Variants in SETD7 observed in about 807,000 individuals in gnomAD.
SETD7 encodes the protein histone-lysine N-methyltransferase SETD7.
SETD7 carries 16 observed loss-of-function variants against 41.8 expected under a neutral mutation model. The ratio of observed to expected loss-of-function variants is 0.38; its 90% CI spans 0.26 to 0.58. The LOEUF (loss-of-function observed/expected upper bound fraction) is 0.58. Among genes scored for constraint, SETD7 ranks in the 20% least tolerant of loss-of-function variants. The pLI, the probability that SETD7 is intolerant of heterozygous loss-of-function variation, is 0.64. For synonymous variants in SETD7, 163 were observed against 169.7 expected (o/e 0.96, Z 0.31); for missense variants, 346 against 459.7 (o/e 0.75, Z 2.26).
At chr4:139,539,863 T>A (rs1024555734) in intron 2 of SETD7, among the ~76,000 whole-genome samples, 3 of 152,176 alleles carry the variant, frequency 2.0e-5, no homozygotes, top group Non-Finnish European at 4.4e-5. Flanking sequence ...TGTGAGGATA[T>A]CAGGAGAAGA....
Position 139,507,665 on chromosome 4 carries a change from T to C in SETD7, c.*3998A>G, listed in dbSNP as rs891342822. 7.2e-5 allele frequency: 11 copies of C among 152,650 alleles called. No individual in the cohort carries two copies. The highest frequency in any genetic ancestry group is 1.5e-4 in the Non-Finnish European group (10 of 68,042). 9.5% of individuals were successfully genotyped at this position (152,650 alleles called of 1,614,324 possible). A position where few individuals can be genotyped will look rare whatever the true frequency, so the allele number is the denominator to read the frequency against. The stretch of plus-strand genomic sequence containing the variant: ...TATGGCTTGAAATAGTTTCATTGCT[T>C]TGAATATGTACGCACACATTTGGCA... On this transcript the variant is annotated 3_prime_UTR_variant, in exon 8 of 8. Transcript: ENST00000274031.
chr4:139,529,835 C>T (rs1323572274), intron 3 of SETD7, among the ~76,000 whole-genome samples: 2 of 152,206 alleles, frequency 1.3e-5, no homozygotes, highest in African/African-American at 2.4e-5. Context: ...CCTATACCAT[C>T]ACCTTTTTTA....
At chr4:139,513,283 G>C (rs1179739760) in intron 7 of SETD7, among the ~76,000 whole-genome samples, 1 of 151,938 alleles carries the variant, frequency 6.6e-6, no homozygotes, top group Non-Finnish European at 1.5e-5. Flanking sequence ...AGCTGGGTGT[G>C]GTGGCGCACA....
intron 7 of SETD7, among the ~76,000 whole-genome samples, chr4:139,500,245 C>T (rs548648895): frequency 6.6e-5 from 10 of 152,202 alleles, no homozygotes; most frequent in African/African-American, 9.6e-5. Flanking sequence ...CTATGATGCA[C>T]GCCAGTTCAA....
Position 139,546,953 on chromosome 4 carries a change from T to C in SETD7, c.137A>G (p.Asn46Ser). Residue 46 changes from asparagine (N) to serine (S), a missense_variant, in exon 2 of 8, where the codon AAC becomes AGC. Asn to Ser is a conservative substitution (Grantham distance 46). Transcript: ENST00000274031. ...AAAGAAGAAGAACTTCCCCCGTCCGTTCTTTTCTCCGTGAACAAAGTTCCC... is the reference window on the plus strand; with the variant it reads ...AAAGAAGAAGAACTTCCCCCGTCCGCTCTTTTCTCCGTGAACAAAGTTCCC... The part of the protein sequence containing the change: ...FEGNFVHGEK[N>S]GRGKFFFFDG... 6.2e-7 allele frequency: 1 copy of C among 1,614,202 alleles called. No individual in the cohort carries two copies. The highest frequency in any genetic ancestry group is 8.5e-7 in the Non-Finnish European group (1 of 1,180,024).
chr4:139,526,046 TTTTG>T (rs140153702), intron 4 of SETD7, among the ~76,000 whole-genome samples: 71,147 of 150,810 alleles, frequency 0.47, 17,922 homozygotes, highest in Admixed American at 0.56. Flanking sequence ...TGTTGTTTGT[TTTTG>T]TTTGTTTGTT....
rs776192735 is a variant in SETD7 at position 139,523,351 on chromosome 4, T to C, written c.644+3A>G. 6.2e-7 allele frequency: 1 copy of C among 1,606,084 alleles called. No individual in the cohort carries two copies. The highest frequency in any genetic ancestry group is 8.5e-7 in the Non-Finnish European group (1 of 1,172,876). On this transcript the variant is annotated splice_donor_region_variant and intron_variant, in intron 5 of 7. Coordinates refer to ENST00000274031, the MANE Select transcript of SETD7 (RefSeq NM_030648.4). ...GCAATTAAAACCCCAAGGAGGAAATTACCTTTCTGATTCATAAGGATCTGG... is the reference window on the plus strand; with the variant it reads ...GCAATTAAAACCCCAAGGAGGAAATCACCTTTCTGATTCATAAGGATCTGG...
intron 4 of SETD7, among the ~76,000 whole-genome samples, chr4:139,523,737 A>T (rs978619438): frequency 4.6e-5 from 7 of 152,220 alleles, no homozygotes; most frequent in Admixed American, 3.9e-4. Flanking sequence ...TTGTCATGAA[A>T]TTCTGAGATC....
downstream of SETD7, among the ~76,000 whole-genome samples, chr4:139,501,789 A>G (rs951655890): frequency 6.6e-6 from 1 of 152,174 alleles, no homozygotes; most frequent in Admixed American, 6.5e-5. Context: ...TCGAGAACAC[A>G]CAATAATGGT....
chr4:139,519,922 T>C (rs966498789), intron 6 of SETD7, among the ~76,000 whole-genome samples: 8 of 152,350 alleles, frequency 5.3e-5, no homozygotes, highest in African/African-American at 1.9e-4. Context: ...TAGTATAGCA[T>C]GGCTTTTGCA....
chr4:139,552,302 C>G (rs1269497447), intron 1 of SETD7, among the ~76,000 whole-genome samples: 1 of 152,170 alleles, frequency 6.6e-6, no homozygotes, highest in Non-Finnish European at 1.5e-5. Context: ...CAGTGGAACA[C>G]TGAGCTGCTT....
At position 139,506,048 on chromosome 4, in the gene SETD7, TTTTG is replaced by T. The variant is rs1333297141; in HGVS notation, c.*5611_*5614del. ...GAAGACAATGACAGATGATTGTATA[TTTTG>T]TTTAATACTTGCATTGTTTCTATAG... is the stretch of plus-strand genomic sequence containing the variant. On this transcript the variant is annotated 3_prime_UTR_variant, in exon 8 of 8. Transcript: ENST00000274031. 1 of 152,686 alleles carries T rather than the reference TTTTG, an allele frequency of 6.5e-6. No individual in the cohort carries two copies. Among genetic ancestry groups the T allele is most frequent in the Non-Finnish European group, 1.5e-5 (1 of 68,042 alleles). The allele number at this position is 152,686 out of a possible 1,614,324, so 9.5% of individuals were successfully genotyped here. A position where few individuals can be genotyped will look rare whatever the true frequency, so the allele number is the denominator to read the frequency against.
At position 139,555,531 on chromosome 4, in the gene SETD7, A is replaced by G. The variant is rs1390799847; in HGVS notation, c.40+567T>C. Among the ~76,000 whole-genome samples the G allele has an allele frequency of 6.6e-6, 1 of 152,028 alleles. No individual in the cohort carries two copies. The highest frequency in any genetic ancestry group is 1.9e-4 in the East Asian group (1 of 5,146). ...TTGTCCGTCGCCCGACAATGATTTC[A>G]TCTTTTCGGAAGAGCTGCCGCCTGG... On this transcript the variant is annotated intron_variant, in intron 1 of 7. Transcript: ENST00000274031. This position sits in a 1 kb window ranked among gnomAD's most constrained non-coding sequence, Gnocchi z 4.0.
intron 2 of SETD7, among the ~76,000 whole-genome samples, chr4:139,535,544 G>A (rs1159278327): frequency 6.6e-6 from 1 of 152,182 alleles, no homozygotes; most frequent in Non-Finnish European, 1.5e-5. Flanking sequence ...AACAGGTCTT[G>A]CAAATCAGAC....
intron 3 of SETD7, among the ~76,000 whole-genome samples, chr4:139,531,560 G>C (rs1193780172): frequency 2.6e-5 from 4 of 152,206 alleles, no homozygotes; most frequent in Non-Finnish European, 1.5e-5. Context: ...CTCCTAAGCA[G>C]TACGTGTTAC....
chr4:139,517,799 G>T, intron 7 of SETD7, 86 bp downstream of exon 7: 1 of 1,405,536 alleles, frequency 7.1e-7, no homozygotes, highest in Non-Finnish European at 9.6e-7. Context: ...GCCTTTATCT[G>T]AGGCAGAATA....
rs771533271 is a variant in SETD7 at position 139,510,953 on chromosome 4, T to C, written c.*710A>G. ...AGAATAATATTCTATAATAATACCC[T>C]GGCCCTATGAGCCAGTACTTTATAT... On this transcript the variant is annotated 3_prime_UTR_variant, in exon 8 of 8. Coordinates refer to ENST00000274031, the MANE Select transcript of SETD7 (RefSeq NM_030648.4). 3.9e-5 allele frequency: 6 copies of C among 152,726 alleles called. No homozygotes were observed. The highest frequency in any genetic ancestry group is 2.1e-4 in the South Asian group (1 of 4,828). 9.5% of individuals were successfully genotyped at this position (152,726 alleles called of 1,614,324 possible). A position where few individuals can be genotyped will look rare whatever the true frequency, so the allele number is the denominator to read the frequency against.
rs1025954987 is a variant in SETD7, at chr4:139,511,472, C to T, written c.*191G>A. On this transcript the variant is annotated 3_prime_UTR_variant, in exon 8 of 8. Transcript: ENST00000274031. The stretch of plus-strand genomic sequence containing the variant: ...CTCTCAGTAGGACGTTGTTGCAAGG[C>T]TAGCTAATTTTAAATCTGGTATGAG... 2.4e-5 allele frequency: 23 copies of T among 974,404 alleles called. No individual in the cohort carries two copies. Among genetic ancestry groups the T allele is most frequent in the Non-Finnish European group, 3.4e-5 (23 of 678,564 alleles). 60.4% of individuals were successfully genotyped at this position (974,404 alleles called of 1,614,324 possible). A position where few individuals can be genotyped will look rare whatever the true frequency, so the allele number is the denominator to read the frequency against.
At chr4:139,495,059 T>A (rs1045123419), downstream of SETD7, among the ~76,000 whole-genome samples, 5 of 152,254 alleles carry the variant, frequency 3.3e-5, no homozygotes, top group Non-Finnish European at 5.9e-5. Flanking sequence ...TTTTCCAGAT[T>A]AATGCACAAT....
Sources: gnomAD v4.1 joint callset for allele counts (sites outside exome capture counted in the v4.1 genomes callset) on GRCh38, gnomAD v4.1.1 for gene constraint, Gnocchi (gnomAD v3.1) non-coding constraint, MANE v1.5 for transcripts, NCBI Gene and HGNC (gene_info 2026-07-23, HGNC 2026-07-21) for gene names.